The following FHIP2A variants were observed in gnomAD, a reference collection of about 807,000 sequenced individuals.
The protein encoded by FHIP2A is FHF complex subunit HOOK interacting protein 2A, also known as family with sequence similarity 160 member B1.
A neutral mutation model predicts 93.5 loss-of-function variants in FHIP2A; 46 were observed. The observed-to-expected ratio is 0.49, with a 90% CI of 0.39 to 0.63. FHIP2A has a LOEUF of 0.63. Ranked by LOEUF, FHIP2A falls within the 20% of genes least tolerant of loss-of-function variation. The probability of loss-of-function intolerance (pLI) is 0.00; values close to 1 mark genes in which losing one functional copy is unlikely to be tolerated. For synonymous variants in FHIP2A, 332 were observed against 326.5 expected (o/e 1.02, Z -0.18); for missense variants, 769 against 909.7 (o/e 0.85, Z 1.99).
chr10:114,829,451 G>A lies in FHIP2A; in HGVS notation c.46-1401G>A, dbSNP rs146023194. Among the ~76,000 whole-genome samples the A allele has an allele frequency of 1.5e-3, 229 of 152,344 alleles. 1 individual carries two copies. The highest frequency in any genetic ancestry group is 5.2e-3 in the African/African-American group (215 of 41,578). On this transcript the variant is annotated intron_variant, in intron 1 of 16. Transcript: ENST00000369248. ...ATTTGAAGGCTGTCATGGCACTAGT[G>A]GGAGTGGCTCTTAGCATGCTAATGC... is the stretch of plus-strand genomic sequence containing the variant.
intron 5 of FHIP2A, 110 bp downstream of exon 5, chr10:114,836,356 T>C: frequency 1.2e-6 from 1 of 826,236 alleles, no homozygotes; most frequent in Non-Finnish European, 1.9e-6. Context: ...GGTTATTAGC[T>C]TGTTTTACTT....
intron 5 of FHIP2A, among the ~76,000 whole-genome samples, chr10:114,838,154 C>T (rs2083647304): frequency 1.3e-5 from 2 of 152,126 alleles, no homozygotes; most frequent in African/African-American, 2.4e-5. Context: ...CCTGTTGCTC[C>T]GTGTTGTCGT....
At chr10:114,852,959 A>T (rs1387821738) in intron 13 of FHIP2A, among the ~76,000 whole-genome samples, 2 of 152,174 alleles carry the variant, frequency 1.3e-5, no homozygotes, top group Admixed American at 6.5e-5. Context: ...CACTGTCTTC[A>T]ACATCCAGAT....
chr10:114,874,285 C>CAAA (rs2083873377), intron 16 of FHIP2A, among the ~76,000 whole-genome samples: 3 of 152,090 alleles, frequency 2.0e-5, no homozygotes, highest in Non-Finnish European at 4.4e-5. Flanking sequence ...CCAAAGGAAT[C>CAAA]ACATCCTAAC....
At chr10:114,846,987 G>C in intron 11 of FHIP2A, 103 bp from the exon 12 acceptor site, 1 of 1,115,512 alleles carries the variant, frequency 9.0e-7, no homozygotes, top group Non-Finnish European at 1.3e-6. Flanking sequence ...CTTTATATTA[G>C]CAAAATTATG....
chr10:114,859,307 T>C (rs767774295), intron 14 of FHIP2A, among the ~76,000 whole-genome samples: 14 of 152,180 alleles, frequency 9.2e-5, no homozygotes, highest in Non-Finnish European at 1.8e-4. Context: ...TTTCAAAAGA[T>C]AGTAAAATGC....
chr10:114,837,928 G>T (rs2083645497), intron 5 of FHIP2A, among the ~76,000 whole-genome samples: 1 of 152,166 alleles, frequency 6.6e-6, no homozygotes, highest in East Asian at 1.9e-4. Flanking sequence ...AGGGACTTCT[G>T]GGTTGTTTCT....
intron 16 of FHIP2A, among the ~76,000 whole-genome samples, chr10:114,871,367 A>G (rs1036864283): frequency 1.3e-4 from 19 of 151,998 alleles, no homozygotes; most frequent in African/African-American, 3.4e-4. Flanking sequence ...TCTGGTCTCA[A>G]TGCAGCAACA....
Position 114,843,078 on chromosome 10 carries a change from A to G in FHIP2A, c.668A>G (p.Glu223Gly), listed in dbSNP as rs1161412549. Residue 223 changes from glutamate (E) to glycine (G), a missense_variant, in exon 6 of 17, where the codon GAA becomes GGA. Coordinates refer to ENST00000369248, the MANE Select transcript of FHIP2A (RefSeq NM_020940.4). ...GGTGCTACTGGAATGGAGCAAACAG[A>G]ATTGGAAGATGAGCCTCCTCATCAG... The part of the protein sequence containing the change: ...LSGATGMEQT[E>G]LEDEPPHQMD... 6.2e-7 allele frequency: 1 copy of G among 1,614,110 alleles called. No individual in the cohort carries two copies.
At chr10:114,889,117 T>C (rs1320910276) in intron 16 of FHIP2A, among the ~76,000 whole-genome samples, 2 of 152,082 alleles carry the variant, frequency 1.3e-5, no homozygotes, top group Admixed American at 6.5e-5. Context: ...AGGTTTGAGA[T>C]TGCGCTGTCA....
At chr10:114,880,202 G>A (rs2083910013) in intron 16 of FHIP2A, among the ~76,000 whole-genome samples, 1 of 152,164 alleles carries the variant, frequency 6.6e-6, no homozygotes, top group Non-Finnish European at 1.5e-5. Context: ...CTAAGGCTGG[G>A]GGTTGGAGGC....
At chr10:114,866,127 C>T (rs1300944486), downstream of FHIP2A, among the ~76,000 whole-genome samples, 1 of 152,022 alleles carries the variant, frequency 6.6e-6, no homozygotes. Flanking sequence ...CTCTCCCTCC[C>T]CACCCCGCCC....
chr10:114,843,927 A>G lies in FHIP2A; in HGVS notation c.1003A>G (p.Ile335Val), dbSNP rs140669307. 22 of 1,568,218 alleles carry G rather than the reference A, an allele frequency of 1.4e-5. No individual in the cohort carries two copies. The Admixed American group carries it at 4.3e-4, about 30-fold the overall frequency. Reference protein sequence around the residue: ...DPLDIETVEAINWGLDSYSHK... With the variant: ...DPLDIETVEAVNWGLDSYSHK... ...GTTAGATATTGAAACCGTGGAAGCA[A>G]TTAACTGGGGGTAAGCACCGTTACT... Residue 335 changes from isoleucine (I) to valine (V), a missense_variant, in exon 7 of 17, where the codon ATT (isoleucine) becomes GTT (valine). By Grantham distance (29) the Ile-to-Val change is conservative. Transcript: ENST00000369248.
intron 15 of FHIP2A, 116 bp downstream of exon 15, chr10:114,861,005 G>A: frequency 9.0e-7 from 1 of 1,105,632 alleles, no homozygotes; most frequent in South Asian, 1.5e-5. Context: ...CTGCTTAAAA[G>A]TAATTATTAT....
chr10:114,894,794 CAAA>C (rs68019338), intron 16 of FHIP2A, among the ~76,000 whole-genome samples: 1 of 151,660 alleles, frequency 6.6e-6, no homozygotes, highest in Non-Finnish European at 1.5e-5. Context: ...TAAAATACAA[CAAA>C]AAAACTGGGA....
intron 4 of FHIP2A, 147 bp downstream of exon 4, chr10:114,835,788 T>C (rs964146905): frequency 1.8e-6 from 1 of 557,196 alleles, no homozygotes; most frequent in Non-Finnish European, 3.1e-6. Context: ...TCTTTATGCA[T>C]CACATAGCAT....
intron 16 of FHIP2A, among the ~76,000 whole-genome samples, chr10:114,898,517 T>C (rs1186739293): frequency 6.6e-6 from 1 of 152,182 alleles, no homozygotes; most frequent in African/African-American, 2.4e-5. Flanking sequence ...GGCACACTCC[T>C]ACCTGCCACA....
chr10:114,848,737 G>A lies in FHIP2A; in HGVS notation c.1803G>A (p.Gln601=). The A allele has an allele frequency of 1.2e-6, 2 of 1,600,680 alleles. No homozygotes were observed. The highest frequency in any genetic ancestry group is 1.7e-6 in the Non-Finnish European group (2 of 1,168,960). The part of the protein sequence containing the change: ...YDTYLRDAHR[Q]FRDYCAICLR... Reference sequence around the variant, plus strand: ...CTTACCTCCGAGACGCTCATAGGCAGGTAGGTGAAGTCACTAAATGTTGGA... The same window carrying A: ...CTTACCTCCGAGACGCTCATAGGCAAGTAGGTGAAGTCACTAAATGTTGGA... The change falls in exon 13 of 17, where the codon CAG becomes CAA. Residue 601 remains glutamine (Q), a splice_region_variant and synonymous_variant. Transcript: ENST00000369248.
intron 11 of FHIP2A, 152 bp from the exon 12 acceptor site, chr10:114,846,938 A>G (rs1477133935): frequency 1.0e-5 from 8 of 801,988 alleles, no homozygotes; most frequent in Non-Finnish European, 1.5e-5. Flanking sequence ...ATAGTATAGA[A>G]TGTTAATTTG....
Sources: allele counts gnomAD v4.1 joint callset (sites outside exome capture counted in the v4.1 genomes callset), GRCh38; gene constraint gnomAD v4.1.1; transcripts MANE v1.5; gene names NCBI Gene and HGNC (gene_info 2026-07-23, HGNC 2026-07-21).